Variants in NALCN observed in about 807,000 individuals in gnomAD.
NALCN encodes the protein sodium leak channel, non-selective.
A neutral mutation model predicts 225.3 loss-of-function variants in NALCN; 111 were observed. That is an observed-to-expected ratio of 0.49 (90% CI 0.42 to 0.58). NALCN has a LOEUF of 0.58. Among genes scored for constraint, NALCN ranks in the 20% least tolerant of loss-of-function variants. The pLI is 0.00. For missense variants in NALCN, 1,378 were observed against 2,202.4 expected, an observed-to-expected ratio of 0.63 and a Z score of 7.49; for synonymous variants, 764 against 769.0, an observed-to-expected ratio of 0.99 and a Z score of 0.11.
intron 7 of NALCN, among the ~76,000 whole-genome samples, chr13:101,317,269 C>T (rs2044585507): frequency 6.6e-6 from 1 of 152,088 alleles, no homozygotes. Context: ...TGATATAGAA[C>T]ATCTTTACAG....
At chr13:101,185,059 G>A (rs2039393411) in intron 14 of NALCN, among the ~76,000 whole-genome samples, 1 of 152,028 alleles carries the variant, frequency 6.6e-6, no homozygotes. Flanking sequence ...ACACTCTTGT[G>A]TTTTTCTTTT....
intron 41 of NALCN, among the ~76,000 whole-genome samples, chr13:101,061,659 C>A (rs1189190111): frequency 6.6e-6 from 1 of 152,210 alleles, no homozygotes; most frequent in Non-Finnish European, 1.5e-5. Flanking sequence ...GCTGGGATTA[C>A]AGGCATGAGC....
chr13:101,351,868 A>T (rs2045916995), intron 6 of NALCN, among the ~76,000 whole-genome samples: 2 of 152,162 alleles, frequency 1.3e-5, no homozygotes, highest in South Asian at 4.1e-4. Flanking sequence ...TCATGTTAAG[A>T]TTCCTCTCTT....
At chr13:101,355,150 C>G (rs1425546798) in intron 6 of NALCN, among the ~76,000 whole-genome samples, 2 of 152,140 alleles carry the variant, frequency 1.3e-5, no homozygotes, top group Non-Finnish European at 2.9e-5. Flanking sequence ...CTTCCTGAGG[C>G]CTCATCAGAA....
At chr13:101,257,514 T>C (rs975697298) in intron 11 of NALCN, among the ~76,000 whole-genome samples, 6 of 152,234 alleles carry the variant, frequency 3.9e-5, no homozygotes, top group Non-Finnish European at 8.8e-5. Flanking sequence ...ATTCTAGGAA[T>C]GTAATAACAC....
At chr13:101,345,971 T>C (rs1454045818) in intron 6 of NALCN, among the ~76,000 whole-genome samples, 1 of 147,312 alleles carries the variant, frequency 6.8e-6, no homozygotes, top group Admixed American at 6.9e-5. Flanking sequence ...TGAGGAGATA[T>C]ACGTGACGTG....
intron 3 of NALCN, among the ~76,000 whole-genome samples, chr13:101,391,315 A>T (rs982348599): frequency 1.3e-5 from 2 of 152,202 alleles, no homozygotes; most frequent in South Asian, 2.1e-4. Flanking sequence ...ATAATTAAAC[A>T]AAATAAATAG....
At chr13:101,115,489 C>T (rs1456803752) in intron 18 of NALCN, among the ~76,000 whole-genome samples, 1 of 152,136 alleles carries the variant, frequency 6.6e-6, no homozygotes. Flanking sequence ...TAGTGAGTAA[C>T]TACAAAATTT....
chr13:101,081,255 A>T (rs1294728460), intron 34 of NALCN, among the ~76,000 whole-genome samples: 1 of 152,164 alleles, frequency 6.6e-6, no homozygotes, highest in Non-Finnish European at 1.5e-5. Context: ...TGAGGGGCTA[A>T]ACCAGAAGAT....
chr13:101,390,532 C>T (rs2047115165), intron 3 of NALCN, among the ~76,000 whole-genome samples: 1 of 151,984 alleles, frequency 6.6e-6, no homozygotes. Context: ...AAATAAATAT[C>T]ACATGATGAA....
In NALCN at chr13:101,250,773, A is replaced by T. The variant is rs1481143082; in HGVS notation, c.1266+7670T>A. Among the ~76,000 whole-genome samples, 3 of 151,986 alleles carry T rather than the reference A, an allele frequency of 2.0e-5. No homozygotes were observed. In the East Asian group the frequency reaches 5.8e-4, roughly 29 times the overall value. ...TTCTATTGAAGAAAAGACAGCAAAT[A>T]AAAGTTAAAAGACAAGCTGAAGGCT... is the stretch of plus-strand genomic sequence containing the variant. On this transcript the variant is annotated intron_variant, in intron 11 of 43. Coordinates refer to ENST00000251127, the MANE Select transcript of NALCN (RefSeq NM_052867.4).
Position 101,100,861 on chromosome 13 carries a change from G to A in NALCN, c.3085C>T (p.Leu1029Phe), listed in dbSNP as rs775924546. The change falls in exon 27 of 44, where the codon CTC (leucine) becomes TTC (phenylalanine). Residue 1029 changes from leucine to phenylalanine, a missense_variant. Around this residue, in one of 19 missense-constraint regions of NALCN, gnomAD observed 292 missense variants for 409.5 expected, o/e 0.71. Coordinates refer to ENST00000251127, the MANE Select transcript of NALCN (RefSeq NM_052867.4). ...LVSILLLTLM[L>F]VFASFGVQLF... The stretch of plus-strand genomic sequence containing the variant: ...TGAACTCCAAAGCTTGCAAAAACGA[G>A]CATTAATGTCAGCAAAAGAATGGAG... The A allele has an allele frequency of 1.2e-6, 2 of 1,609,762 alleles. No homozygotes were observed. The highest frequency in any genetic ancestry group is 4.5e-5 in the East Asian group (2 of 44,738).
At chr13:101,281,950 C>T (rs889621029) in intron 10 of NALCN, among the ~76,000 whole-genome samples, 3 of 152,100 alleles carry the variant, frequency 2.0e-5, no homozygotes, top group Non-Finnish European at 4.4e-5. Flanking sequence ...ATTTAAACCA[C>T]ATTGAGATAT....
intron 15 of NALCN, among the ~76,000 whole-genome samples, chr13:101,172,196 G>A (rs1292704771): frequency 1.3e-5 from 2 of 151,980 alleles, no homozygotes; most frequent in African/African-American, 2.4e-5. Flanking sequence ...TCTCTTCCAG[G>A]AGAACACGGG....
In NALCN at chr13:101,089,084, G is replaced by C. The variant is rs7320434; in HGVS notation, c.3489+579C>G. Among the ~76,000 whole-genome samples, 24,661 of 151,810 alleles carry C rather than the reference G, an allele frequency of 0.16. 2,332 individuals carry two copies. Among genetic ancestry groups the C allele is most frequent in the Non-Finnish European group, 0.22 (14,858 of 67,906 alleles). On this transcript the variant is annotated intron_variant, in intron 30 of 43. Coordinates refer to ENST00000251127, the MANE Select transcript of NALCN (RefSeq NM_052867.4). This position sits in a 1 kb window ranked among gnomAD's most constrained non-coding sequence, Gnocchi z 4.7. The stretch of plus-strand genomic sequence containing the variant: ...GGCTAATTTTTGTATTTTTAGTAGA[G>C]ACAGGGTTTCACTATGTTGGCCAGG...
At chr13:101,338,091 G>A (rs151276454) in intron 7 of NALCN, among the ~76,000 whole-genome samples, 14 of 152,304 alleles carry the variant, frequency 9.2e-5, no homozygotes, top group Admixed American at 3.9e-4. Flanking sequence ...CAAAAGTAAC[G>A]ACTGTCTGAT....
intron 7 of NALCN, among the ~76,000 whole-genome samples, chr13:101,341,403 C>T (rs2045555487): frequency 1.3e-5 from 2 of 152,156 alleles, no homozygotes; most frequent in Admixed American, 1.3e-4. Flanking sequence ...GATGTACCTC[C>T]TTATAGCTAA....
intron 12 of NALCN, among the ~76,000 whole-genome samples, chr13:101,235,453 T>G (rs1023810189): frequency 6.6e-6 from 1 of 152,210 alleles, no homozygotes; most frequent in Non-Finnish European, 1.5e-5. Flanking sequence ...TGTTTTGATA[T>G]AAAGGATATT....
chr13:101,409,829 T>C (rs1198499354), intron 1 of NALCN, among the ~76,000 whole-genome samples: 5 of 152,202 alleles, frequency 3.3e-5, no homozygotes, highest in African/African-American at 7.2e-5. Context: ...GCTTAACATA[T>C]GAATTATCAA....
Sources: allele counts gnomAD v4.1 joint callset (sites outside exome capture counted in the v4.1 genomes callset), GRCh38; gene constraint gnomAD v4.1.1; regional missense constraint gnomAD v4.1.1; non-coding constraint Gnocchi (gnomAD v3.1); transcripts MANE v1.5; gene names NCBI Gene and HGNC (gene_info 2026-07-23, HGNC 2026-07-21).